The following MAP7 variants were observed in gnomAD, a reference collection of about 807,000 sequenced individuals.
The protein encoded by MAP7 is microtubule associated protein 7.
A neutral mutation model predicts 94.8 loss-of-function variants in MAP7; 52 were observed. The ratio of observed to expected loss-of-function variants is 0.55; its 90% CI spans 0.44 to 0.69. The LOEUF is 0.69. MAP7 is among the 30% of genes least tolerant of loss of function. MAP7 has a pLI of 0.00. For missense variants in MAP7, 940 were observed against 964.6 expected (o/e 0.97, Z 0.34); for synonymous variants, 350 against 357.0 (o/e 0.98, Z 0.22).
At chr6:136,473,968 ATATTGGGGG>A (rs1562441696) in intron 1 of MAP7, among the ~76,000 whole-genome samples, 1 of 151,850 alleles carries the variant, frequency 6.6e-6, no homozygotes, top group East Asian at 2.0e-4. Flanking sequence ...TGAAAAAACA[ATATTGGGGG>A]TGGGAGGAGG....
chr6:136,436,870 T>C (rs930717376), intron 1 of MAP7, among the ~76,000 whole-genome samples: 1 of 152,244 alleles, frequency 6.6e-6, no homozygotes, highest in Non-Finnish European at 1.5e-5. Flanking sequence ...TAGAAGATTT[T>C]GATCATAAGA....
At chr6:136,411,043 G>C (rs186296977) in intron 3 of MAP7, among the ~76,000 whole-genome samples, 2 of 152,324 alleles carry the variant, frequency 1.3e-5, no homozygotes, top group Admixed American at 1.3e-4. Flanking sequence ...CAATGTTTTA[G>C]AAGACAATGA....
chr6:136,360,856 CA>C (rs1401199556), intron 12 of MAP7, 58 bp from the exon 13 acceptor site: 5 of 1,593,234 alleles, frequency 3.1e-6, no homozygotes, highest in Non-Finnish European at 4.3e-6. Flanking sequence ...CCGGGTCTCC[CA>C]GGGGGTGCCC....
chr6:136,535,258 C>G (rs1457630704), intron 1 of MAP7, among the ~76,000 whole-genome samples: 2 of 152,172 alleles, frequency 1.3e-5, no homozygotes, highest in Non-Finnish European at 2.9e-5. Flanking sequence ...TCACACCACT[C>G]TCTTGCCATG....
In MAP7 at chr6:136,360,764, T is replaced by G; in HGVS notation, c.1736A>C (p.Glu579Ala). The G allele has an allele frequency of 6.2e-7, 1 of 1,614,082 alleles. No homozygotes were observed. Among genetic ancestry groups the G allele is most frequent in the Non-Finnish European group, 8.5e-7 (1 of 1,180,020 alleles). The change falls in exon 13 of 18, where the codon GAG (glutamate) becomes GCG (alanine). Residue 579 changes from glutamate to alanine, a missense_variant. Coordinates refer to ENST00000354570, the MANE Select transcript of MAP7 (RefSeq NM_003980.6). ...EEEARVREEA[E>A]RVRQEREKHF... ...CTTCTCTCGTTCCTGCCGGACCCTC[T>G]CTGCTTCTTCACGAACGCGAGCTTC...
chr6:136,520,864 C>T (rs1039694819), intron 1 of MAP7, among the ~76,000 whole-genome samples: 1 of 152,120 alleles, frequency 6.6e-6, no homozygotes, highest in Admixed American at 6.5e-5. Context: ...GCTGCCGGAG[C>T]ACAAAGTGCA....
chr6:136,488,339 A>G (rs1337701897), intron 1 of MAP7, among the ~76,000 whole-genome samples: 1 of 152,218 alleles, frequency 6.6e-6, no homozygotes. Context: ...TCCAAGAAAA[A>G]ACTTATCACA....
At chr6:136,535,620 T>A (rs371583144) in intron 1 of MAP7, among the ~76,000 whole-genome samples, 5 of 152,178 alleles carry the variant, frequency 3.3e-5, no homozygotes, top group Admixed American at 2.0e-4. Flanking sequence ...CTGAGAATTG[T>A]CAGTAACCAA....
intron 13 of MAP7, among the ~76,000 whole-genome samples, chr6:136,360,237 T>C (rs1489083531): frequency 6.6e-6 from 1 of 151,782 alleles, no homozygotes; most frequent in East Asian, 1.9e-4. Context: ...CACTGTAGCC[T>C]CTGCCTCCTG....
intron 1 of MAP7, among the ~76,000 whole-genome samples, chr6:136,435,889 T>C (rs1399199930): frequency 6.6e-6 from 1 of 152,226 alleles, no homozygotes; most frequent in African/African-American, 2.4e-5. Context: ...TGAATAACTA[T>C]ACACATGTTT....
chr6:136,508,181 G>A (rs920346944), intron 1 of MAP7, among the ~76,000 whole-genome samples: 4 of 151,800 alleles, frequency 2.6e-5, no homozygotes, highest in African/African-American at 7.3e-5. Context: ...GAAAATTAGC[G>A]GGGCATGGTG....
intron 1 of MAP7, among the ~76,000 whole-genome samples, chr6:136,471,116 C>T (rs1184097890): frequency 6.6e-6 from 1 of 152,126 alleles, no homozygotes; most frequent in Non-Finnish European, 1.5e-5. Flanking sequence ...AAAGTAAAAG[C>T]AGAGATTCAT....
intron 1 of MAP7, among the ~76,000 whole-genome samples, chr6:136,462,325 A>T (rs1254035245): frequency 6.6e-6 from 1 of 152,188 alleles, no homozygotes; most frequent in African/African-American, 2.4e-5. Context: ...ATAAATGGTA[A>T]ATCTCAGAAC....
chr6:136,391,302 CA>C, intron 3 of MAP7, among the ~76,000 whole-genome samples: 1 of 145,952 alleles, frequency 6.9e-6, no homozygotes, highest in Non-Finnish European at 1.5e-5. Flanking sequence ...ATCGCAAGAA[CA>C]AAAAACCAAA....
At chr6:136,517,223 T>C (rs894718070) in intron 1 of MAP7, among the ~76,000 whole-genome samples, 5 of 152,200 alleles carry the variant, frequency 3.3e-5, no homozygotes, top group Non-Finnish European at 7.3e-5. Context: ...CTGATTCACA[T>C]GAACAAACAC....
chr6:136,469,155 A>C (rs1054972006), intron 1 of MAP7, among the ~76,000 whole-genome samples: 1 of 152,154 alleles, frequency 6.6e-6, no homozygotes, highest in African/African-American at 2.4e-5. Context: ...GTATCATCTT[A>C]AACTGTACAC....
At chr6:136,387,847 C>A (rs751293601) in intron 5 of MAP7, among the ~76,000 whole-genome samples, 1 of 152,070 alleles carries the variant, frequency 6.6e-6, no homozygotes, top group Non-Finnish European at 1.5e-5. Flanking sequence ...AAAATAAAGC[C>A]TTTCAGTAAA....
intron 1 of MAP7, among the ~76,000 whole-genome samples, chr6:136,447,888 C>T (rs879922865): frequency 6.6e-6 from 1 of 152,154 alleles, no homozygotes; most frequent in Non-Finnish European, 1.5e-5. Flanking sequence ...TTTGGCCAAA[C>T]AGCTTCAAAA....
At position 136,365,774 on chromosome 6, in the gene MAP7, C is replaced by A; in HGVS notation, c.1234G>T (p.Val412Phe). ...GGTTCAGCAGGTGTCCGCTCTTCAA[C>A]TGTGGCTTCTTCTACCTTCACTAAA... is the stretch of plus-strand genomic sequence containing the variant. ...APLVKVEEAT[V>F]EERTPAEPEV... Residue 412 changes from valine (V) to phenylalanine (F), a missense_variant, in exon 10 of 18, where the codon GTT becomes TTT. Coordinates refer to ENST00000354570, the MANE Select transcript of MAP7 (RefSeq NM_003980.6). The A allele has an allele frequency of 6.2e-7, 1 of 1,614,168 alleles. No individual in the cohort carries two copies. The highest frequency in any genetic ancestry group is 8.5e-7 in the Non-Finnish European group (1 of 1,180,034).
Sources: gnomAD v4.1 joint callset for allele counts (sites outside exome capture counted in the v4.1 genomes callset) on GRCh38, gnomAD v4.1.1 for gene constraint, MANE v1.5 for transcripts, NCBI Gene and HGNC (gene_info 2026-07-23, HGNC 2026-07-21) for gene names.